The following WDR27 variants were observed in gnomAD, a reference collection of about 807,000 sequenced individuals.
WDR27 encodes the protein WD repeat domain 27, also known as WD repeat-containing protein 27.
WDR27 carries 100 observed loss-of-function variants against 114.4 expected under a neutral mutation model. The observed-to-expected ratio is 0.87, with a 90% confidence interval of 0.74 to 1.03. The LOEUF (loss-of-function observed/expected upper bound fraction) is 1.03, where lower values mean the gene tolerates loss of function less well. WDR27 is among the 50% of genes least tolerant of loss of function. WDR27 has a pLI of 0.00. For synonymous variants in WDR27, 449 were observed against 423.1 expected (o/e 1.06, Z -0.75); for missense variants, 1,129 against 1,092.9 (o/e 1.03, Z -0.47).
the WDR27 span, among the ~76,000 whole-genome samples, chr6:169,435,313 C>A: frequency 9.2e-5 from 14 of 152,344 alleles, no homozygotes; most frequent in African/African-American, 3.4e-4. Flanking sequence ...TGAGTCCCCA[C>A]TGGGGCATTG....
chr6:169,547,365 C>A (rs1288083971), intron 25 of WDR27, among the ~76,000 whole-genome samples: 1 of 151,700 alleles, frequency 6.6e-6, no homozygotes, highest in Admixed American at 6.6e-5. Context: ...CAGTAAAAAA[C>A]AACAAAAAAA....
At chr6:169,682,534 G>A (rs527366231) in intron 2 of WDR27, among the ~76,000 whole-genome samples, 14 of 152,314 alleles carry the variant, frequency 9.2e-5, no homozygotes, top group Admixed American at 3.9e-4. Context: ...TGGCTGCAGT[G>A]GTCATGGGCT....
rs751272351 is a variant in WDR27 at position 169,664,207 on chromosome 6, A to G, written c.863T>C (p.Phe288Ser). Residue 288 changes from phenylalanine (F) to serine (S), a missense_variant, in exon 8 of 26, where the codon TTC becomes TCC. Transcript: ENST00000448612. ...CCCAGACTTAACCCTTCTTGTGGAG[A>G]AAGTCTCTGTCTTCTTCCTTAGGTC... is the stretch of plus-strand genomic sequence containing the variant. ...RVDLRKKTET[F>S]STRRVKSGLC... 4 of 1,611,824 alleles carry G rather than the reference A, an allele frequency of 2.5e-6. No individual in the cohort carries two copies. In the East Asian group the frequency reaches 8.9e-5, roughly 36 times the overall value.
chr6:169,468,440 TAGG>T (rs1785893663), intron 25 of WDR27, among the ~76,000 whole-genome samples: 1 of 152,258 alleles, frequency 6.6e-6, no homozygotes, highest in South Asian at 2.1e-4. Flanking sequence ...CACATGATGG[TAGG>T]AGGAGAATTG....
At chr6:169,634,381 C>T (rs758323859) in intron 20 of WDR27, 47 bp downstream of exon 20, 9 of 1,427,212 alleles carry the variant, frequency 6.3e-6, no homozygotes, top group Non-Finnish European at 8.8e-6. Flanking sequence ...GCCAGAGGAA[C>T]AACACTCAGG....
rs1356227197 is a variant in WDR27 at position 169,580,283 on chromosome 6, G to A, written c.2523+2553C>T. On this transcript the variant is annotated intron_variant, in intron 24 of 25. Coordinates refer to ENST00000448612, the MANE Select transcript of WDR27 (RefSeq NM_182552.5). The stretch of plus-strand genomic sequence containing the variant: ...AAACACCACCTCCAAGTTTACCTGT[G>A]CTTCACACAAGAACTTCATTTGCTA... 2.0e-5 allele frequency among the ~76,000 whole-genome samples: 3 copies of A among 152,324 alleles called. No homozygotes were observed. In the South Asian group the frequency reaches 6.2e-4, roughly 32 times the overall value.
At chr6:169,658,477 A>G in intron 12 of WDR27, 119 bp from the exon 13 acceptor site, 1 of 729,814 alleles carries the variant, frequency 1.4e-6, no homozygotes, top group Non-Finnish European at 2.4e-6. Context: ...CTGTGGACAT[A>G]ACAGTATCTG....
chr6:169,430,757 A>G, the WDR27 span, among the ~76,000 whole-genome samples: 1 of 152,224 alleles, frequency 6.6e-6, no homozygotes, highest in Non-Finnish European at 1.5e-5. Flanking sequence ...AAAGTCATTC[A>G]AAGAAACGTA....
chr6:169,571,283 T>A (rs1422760138), intron 25 of WDR27, among the ~76,000 whole-genome samples: 1 of 152,086 alleles, frequency 6.6e-6, no homozygotes, highest in Admixed American at 6.5e-5. Flanking sequence ...AATAAAAAGA[T>A]GACTCAATGA....
chr6:169,575,470 TG>T (rs1244366710), intron 24 of WDR27, among the ~76,000 whole-genome samples: 1 of 152,150 alleles, frequency 6.6e-6, no homozygotes, highest in East Asian at 1.9e-4. Context: ...AACGTGTTTC[TG>T]TAACATGTGT....
intron 14 of WDR27, among the ~76,000 whole-genome samples, chr6:169,650,910 G>A (rs1822259293): frequency 1.3e-5 from 2 of 152,136 alleles, no homozygotes; most frequent in South Asian, 4.1e-4. Flanking sequence ...CCAGGGTGCT[G>A]AGTGCTGTCC....
At chr6:169,450,075 G>A in the WDR27 span, among the ~76,000 whole-genome samples, 2 of 152,162 alleles carry the variant, frequency 1.3e-5, 1 homozygote, top group Middle Eastern at 6.3e-3. Flanking sequence ...TTATACCAAT[G>A]AAATTAGAGA....
chr6:169,430,069 G>A, the WDR27 span, among the ~76,000 whole-genome samples: 1 of 152,202 alleles, frequency 6.6e-6, no homozygotes, highest in East Asian at 1.9e-4. Flanking sequence ...CTGAGCTGCA[G>A]AAGGGCACAG....
chr6:169,447,350 A>T, the WDR27 span, among the ~76,000 whole-genome samples: 1 of 152,230 alleles, frequency 6.6e-6, no homozygotes, highest in Non-Finnish European at 1.5e-5. Flanking sequence ...TTTTATAAAA[A>T]GTTTTTCTTC....
At chr6:169,549,599 T>C (rs145335230) in intron 25 of WDR27, among the ~76,000 whole-genome samples, 3,480 of 152,274 alleles carry the variant, frequency 0.023, 73 homozygotes, top group Non-Finnish European at 0.032. Flanking sequence ...TTATTCATAA[T>C]TGCAAAATAT....
chr6:169,501,120 G>A (rs995809096), intron 25 of WDR27, among the ~76,000 whole-genome samples: 7 of 152,256 alleles, frequency 4.6e-5, no homozygotes, highest in African/African-American at 1.7e-4. Context: ...TGGCAAACAG[G>A]TGTGTGGGAT....
chr6:169,527,824 G>T (rs1795122299), intron 25 of WDR27, among the ~76,000 whole-genome samples: 2 of 152,098 alleles, frequency 1.3e-5, no homozygotes, highest in Admixed American at 1.3e-4. Context: ...TAAAACGTCA[G>T]CTAAGTAAAA....
downstream of WDR27, among the ~76,000 whole-genome samples, chr6:169,453,359 A>G (rs1411167898): frequency 1.3e-5 from 2 of 152,108 alleles, no homozygotes; most frequent in Admixed American, 6.5e-5. Context: ...CTATTAATGC[A>G]ACTTCAGAAT....
chr6:169,549,018 A>G, intron 25 of WDR27, among the ~76,000 whole-genome samples: 1 of 152,214 alleles, frequency 6.6e-6, no homozygotes, highest in Non-Finnish European at 1.5e-5. Flanking sequence ...AGATACAACA[A>G]AAAAAGCATG....
Sources: gnomAD v4.1 joint callset for allele counts (sites outside exome capture counted in the v4.1 genomes callset) on GRCh38, gnomAD v4.1.1 for gene constraint, MANE v1.5 for transcripts, NCBI Gene and HGNC (gene_info 2026-07-23, HGNC 2026-07-21) for gene names.